Variants in TRIM66 observed in about 807,000 individuals in gnomAD.
TRIM66 encodes tripartite motif-containing protein 66.
In TRIM66, 99 loss-of-function variants were observed where a neutral mutation model predicts 148.2. The ratio of observed to expected loss-of-function variants is 0.67; its 90% CI spans 0.57 to 0.79. TRIM66 has a LOEUF of 0.79. TRIM66 is among the 30% of genes least tolerant of loss of function. The pLI, the probability that TRIM66 is intolerant of heterozygous loss-of-function variation, is 0.00. For missense variants in TRIM66, 1,666 were observed against 1,697.9 expected (o/e 0.98, Z 0.33); for synonymous variants, 616 against 635.9 (o/e 0.97, Z 0.47).
chr11:8,630,262 G>T (rs2035266639), intron 15 of TRIM66, among the ~76,000 whole-genome samples: 1 of 152,098 alleles, frequency 6.6e-6, no homozygotes, highest in Non-Finnish European at 1.5e-5. Context: ...TCTGACACTT[G>T]GTGCCACCCA....
At position 8,641,054 on chromosome 11, in the gene TRIM66, G is replaced by C; in HGVS notation, c.1321C>G (p.Pro441Ala). The C allele has an allele frequency of 1.3e-6, 2 of 1,551,710 alleles. No homozygotes were observed. Among genetic ancestry groups the C allele is most frequent in the South Asian group, 1.2e-5 (1 of 84,060 alleles). The stretch of plus-strand genomic sequence containing the variant: ...CTAAGAGCCTCTTGCTGAGCCACTG[G>C]AGACTGGTGGCTTTGATAAAAGGGT... ...SSPFYQSHQS[P>A]VAQQEALSHP... Residue 441 changes from proline to alanine, a missense_variant, in exon 14 of 25, where the codon CCA (proline) becomes GCA (alanine). Coordinates refer to ENST00000646038, the MANE Select transcript of TRIM66 (RefSeq NM_001388022.1).
intron 6 of TRIM66, among the ~76,000 whole-genome samples, chr11:8,656,425 A>C (rs2037835753): frequency 6.6e-6 from 1 of 152,220 alleles, no homozygotes; most frequent in African/African-American, 2.4e-5. Context: ...ATATAGAGAC[A>C]GGGCCCCAAG....
intron 6 of TRIM66, among the ~76,000 whole-genome samples, chr11:8,670,388 C>A (rs1028626972): frequency 5.9e-5 from 9 of 152,182 alleles, no homozygotes; most frequent in Non-Finnish European, 1.2e-4. Flanking sequence ...CTGATGCCAT[C>A]TTTGTGTCCA....
At chr11:8,629,066 G>C (rs944103969) in intron 15 of TRIM66, among the ~76,000 whole-genome samples, 4 of 152,150 alleles carry the variant, frequency 2.6e-5, no homozygotes, top group Non-Finnish European at 1.5e-5. Flanking sequence ...AAGCAAGGTG[G>C]AAAGAATATT....
chr11:8,643,024 G>T lies in TRIM66; in HGVS notation c.1207C>A (p.Gln403Lys). ...FTWEPNFWTK[Q>K]LASLGCITTE... The stretch of plus-strand genomic sequence containing the variant: ...CCAAGCTCACCAAGAGAAGCTAGCT[G>T]CTTGGTCCAGAAGTTAGGCTCCCAG... Residue 403 changes from glutamine to lysine, a missense_variant, in exon 13 of 25, where the codon CAG (glutamine) becomes AAG (lysine). This residue lies in a region of TRIM66 where 1,431 missense variants were observed against 1,412.4 expected (regional missense o/e 1.01). Transcript: ENST00000646038. The T allele has an allele frequency of 6.4e-7, 1 of 1,550,702 alleles. No individual in the cohort carries two copies. Among genetic ancestry groups the T allele is most frequent in the Non-Finnish European group, 8.7e-7 (1 of 1,146,512 alleles).
At chr11:8,660,988 G>A (rs184923711) in intron 6 of TRIM66, among the ~76,000 whole-genome samples, 1 of 152,340 alleles carries the variant, frequency 6.6e-6, no homozygotes, top group African/African-American at 2.4e-5. Context: ...TGGAGGCCAT[G>A]CTAAGTGTCT....
At chr11:8,682,098 G>A (rs1457296589) in intron 1 of TRIM66, among the ~76,000 whole-genome samples, 3 of 152,116 alleles carry the variant, frequency 2.0e-5, no homozygotes, top group South Asian at 4.1e-4. Context: ...TACAACATCT[G>A]CATTAAAAGG....
At chr11:8,633,739 C>T (rs1429222620) in intron 15 of TRIM66, among the ~76,000 whole-genome samples, 23 of 152,174 alleles carry the variant, frequency 1.5e-4, no homozygotes, top group Admixed American at 1.5e-3. Context: ...ACTATGGAAG[C>T]AGGATGCCTA....
Position 8,622,862 on chromosome 11 carries a change from C to A in TRIM66, c.3034G>T (p.Glu1012Ter). ...YQNPKECENF[E>*]QGALELDAKE... ...GCATCCAGCTCTAGGGCTCCTTGTT[C>A]AAAATTCTCACACTCTAAGGCAAAA... Residue 1012 changes from glutamate to a stop codon, truncating the protein, a stop_gained, in exon 18 of 25, where the codon GAA becomes TAA. Transcript: ENST00000646038. LOFTEE classifies it high-confidence loss of function. 2 of 1,551,926 alleles carry A rather than the reference C, an allele frequency of 1.3e-6. No individual in the cohort carries two copies. The highest frequency in any genetic ancestry group is 1.7e-6 in the Non-Finnish European group (2 of 1,147,042).
intron 6 of TRIM66, among the ~76,000 whole-genome samples, chr11:8,663,526 GCTCT>G (rs1332850383): frequency 2.6e-5 from 4 of 151,654 alleles, no homozygotes; most frequent in Non-Finnish European, 5.9e-5. Flanking sequence ...CTACTGTCTC[GCTCT>G]CTCTCTCTTC....
intron 13 of TRIM66, among the ~76,000 whole-genome samples, chr11:8,642,142 G>A (rs1565520755): frequency 6.6e-6 from 1 of 152,144 alleles, no homozygotes; most frequent in South Asian, 2.1e-4. Context: ...GGCTAACTCA[G>A]TCTAATGACT....
At chr11:8,660,742 C>T (rs2038190867) in intron 6 of TRIM66, among the ~76,000 whole-genome samples, 1 of 152,224 alleles carries the variant, frequency 6.6e-6, no homozygotes, top group Admixed American at 6.5e-5. Flanking sequence ...AAGCCCACGT[C>T]CATCTTTGTG....
chr11:8,657,176 G>A (rs2037901147), intron 6 of TRIM66, among the ~76,000 whole-genome samples: 1 of 152,198 alleles, frequency 6.6e-6, no homozygotes, highest in African/African-American at 2.4e-5. Flanking sequence ...GTCTCAGAAA[G>A]CTGGTATCGG....
chr11:8,645,675 C>A, intron 12 of TRIM66, 66 bp downstream of exon 12: 1 of 1,537,136 alleles, frequency 6.5e-7, no homozygotes, highest in South Asian at 1.2e-5. Flanking sequence ...CTCATTGCCC[C>A]TCTGACAAAG....
At chr11:8,644,457 A>C in intron 12 of TRIM66, 1 of 453,702 alleles carries the variant, frequency 2.2e-6, no homozygotes, top group South Asian at 1.6e-5. Context: ...AAAAGACACC[A>C]TAAAGGATAA....
rs780481945 is a variant in TRIM66 at position 8,621,112 on chromosome 11, G to A, written c.3465C>T (p.Gly1155=). Residue 1155 remains glycine (G), a synonymous_variant, in exon 20 of 25, where the codon GGC becomes GGT. Coordinates refer to ENST00000646038, the MANE Select transcript of TRIM66 (RefSeq NM_001388022.1). ...AGCGGTCACAGCACAGTAACTCTCC[G>A]CCATTGAGGCAAACAGCACAGAAGT... is the stretch of plus-strand genomic sequence containing the variant. ...NEDFCAVCLN[G]GELLCCDRCP... is the part of the protein sequence containing the mutation. 40 of 1,551,590 alleles carry A rather than the reference G, an allele frequency of 2.6e-5. 1 individual carries two copies. The highest frequency in any genetic ancestry group is 8.2e-5 in the African/African-American group (6 of 73,050).
chr11:8,656,477 A>T (rs2037840572), intron 6 of TRIM66, among the ~76,000 whole-genome samples: 1 of 152,240 alleles, frequency 6.6e-6, no homozygotes, highest in Admixed American at 6.5e-5. Context: ...TTCTGCCTCC[A>T]GAATGAGGAA....
chr11:8,662,488 T>C (rs1364022425), intron 6 of TRIM66, among the ~76,000 whole-genome samples: 2 of 152,204 alleles, frequency 1.3e-5, no homozygotes, highest in African/African-American at 4.8e-5. Flanking sequence ...CACTCTTCAC[T>C]AGCTTCAAGA....
chr11:8,642,261 C>A (rs1367445414), intron 13 of TRIM66, among the ~76,000 whole-genome samples: 1 of 152,150 alleles, frequency 6.6e-6, no homozygotes, highest in African/African-American at 2.4e-5. Flanking sequence ...GGGGCCTAAA[C>A]AAGAGTAGGT....
Sources: gnomAD v4.1 joint callset for allele counts (sites outside exome capture counted in the v4.1 genomes callset) on GRCh38, gnomAD v4.1.1 for gene constraint, gnomAD v4.1.1 regional missense constraint, MANE v1.5 for transcripts, NCBI Gene and HGNC (gene_info 2026-07-23, HGNC 2026-07-21) for gene names.